Variants in WDFY2 observed in about 807,000 individuals in gnomAD.
WDFY2 encodes the protein WD repeat and FYVE domain-containing protein 2.
WDFY2 carries 36 observed loss-of-function variants against 56.4 expected under a neutral mutation model. The ratio of observed to expected loss-of-function variants is 0.64; its 90% CI spans 0.49 to 0.84. The LOEUF is 0.84. Among genes scored for constraint, WDFY2 ranks in the 40% least tolerant of loss-of-function variants. The pLI, the probability that WDFY2 is intolerant of heterozygous loss-of-function variation, is 0.00. For synonymous variants in WDFY2, 176 were observed against 183.7 expected, an observed-to-expected ratio of 0.96 and a Z score of 0.34; for missense variants, 444 against 512.2, an observed-to-expected ratio of 0.87 and a Z score of 1.29.
At chr13:51,607,381 G>GT in intron 1 of WDFY2, among the ~76,000 whole-genome samples, 1 of 152,288 alleles carries the variant, frequency 6.6e-6, no homozygotes, top group East Asian at 1.9e-4. Flanking sequence ...TCTTCAGATC[G>GT]TGTTTGCTAA....
chr13:51,653,910 A>G (rs542386713), intron 1 of WDFY2, among the ~76,000 whole-genome samples: 1 of 152,324 alleles, frequency 6.6e-6, no homozygotes, highest in Admixed American at 6.5e-5. Flanking sequence ...GTGTGCTGGG[A>G]GAACCACTAC....
chr13:51,605,271 A>G (rs549835461), intron 1 of WDFY2, among the ~76,000 whole-genome samples: 8 of 152,226 alleles, frequency 5.3e-5, no homozygotes, highest in Non-Finnish European at 8.8e-5. Context: ...ACCTGGGTTC[A>G]GTGTCACCAC....
At chr13:51,645,289 T>G (rs1255580993) in intron 1 of WDFY2, among the ~76,000 whole-genome samples, 3 of 152,118 alleles carry the variant, frequency 2.0e-5, no homozygotes, top group Admixed American at 2.0e-4. Flanking sequence ...TCCCTGGAAA[T>G]TCAGGGCCTT....
chr13:51,673,790 G>A (rs1358758256), intron 2 of WDFY2, among the ~76,000 whole-genome samples: 1 of 152,122 alleles, frequency 6.6e-6, no homozygotes, highest in Admixed American at 6.5e-5. Context: ...CTGTTTTCAG[G>A]AGTGTACTCT....
At chr13:51,749,153 CTT>C (rs942310580) in intron 7 of WDFY2, among the ~76,000 whole-genome samples, 8 of 152,036 alleles carry the variant, frequency 5.3e-5, no homozygotes, top group Admixed American at 2.0e-4. Flanking sequence ...GAATATGTGA[CTT>C]ATGTTAAAAT....
rs145094854 is a variant in WDFY2, at chr13:51,610,270, C to A, written c.137+25446C>A. ...TTTTTTTTTTGGGGGGCTAAAAGCC[C>A]ACCATCTATCCCTTTTCGTTGATGA... is the stretch of plus-strand genomic sequence containing the variant. On this transcript the variant is annotated intron_variant, in intron 1 of 11. Transcript: ENST00000298125. Among the ~76,000 whole-genome samples, 924 of 151,244 alleles carry A rather than the reference C, an allele frequency of 6.1e-3. 13 individuals carry two copies. Among genetic ancestry groups the A allele is most frequent in the African/African-American group, 0.018 (758 of 41,206 alleles).
At chr13:51,673,588 G>A (rs114939519) in intron 2 of WDFY2, among the ~76,000 whole-genome samples, 14 of 152,064 alleles carry the variant, frequency 9.2e-5, no homozygotes, top group Admixed American at 9.2e-4. Flanking sequence ...TAATCACAGT[G>A]TATTTTTTCT....
intron 7 of WDFY2, among the ~76,000 whole-genome samples, chr13:51,746,173 G>A (rs527947055): frequency 4.6e-5 from 7 of 151,644 alleles, no homozygotes; most frequent in African/African-American, 1.4e-4. Flanking sequence ...GTAGAGACAG[G>A]GTTTCTCCAC....
At position 51,675,166 on chromosome 13, in the gene WDFY2, T is replaced by C; in HGVS notation, c.206-4T>C. On this transcript the variant is annotated splice_region_variant and splice_polypyrimidine_tract_variant and intron_variant, in intron 2 of 11. Coordinates refer to ENST00000298125, the MANE Select transcript of WDFY2 (RefSeq NM_052950.4). Reference sequence around the variant, plus strand: ...AATTTCATCAACATGTTCATTTCTTTCAGCTCCATGTTCATGCATGTCTTT... The same window carrying C: ...AATTTCATCAACATGTTCATTTCTTCCAGCTCCATGTTCATGCATGTCTTT... 1 of 1,613,836 alleles carries C rather than the reference T, an allele frequency of 6.2e-7. No homozygotes were observed. Among genetic ancestry groups the C allele is most frequent in the East Asian group, 2.2e-5 (1 of 44,870 alleles).
chr13:51,639,411 C>T (rs1446882189), intron 1 of WDFY2, among the ~76,000 whole-genome samples: 1 of 152,068 alleles, frequency 6.6e-6, no homozygotes, highest in Non-Finnish European at 1.5e-5. Flanking sequence ...TTTTTTCAGC[C>T]ATTTATTCAA....
intron 3 of WDFY2, among the ~76,000 whole-genome samples, chr13:51,690,486 A>C (rs1032891527): frequency 2.0e-5 from 3 of 151,672 alleles, no homozygotes; most frequent in African/African-American, 7.3e-5. Context: ...GAGAATAATG[A>C]TTTCCAATTT....
rs7331647 is a variant in WDFY2, at chr13:51,690,291, T to A, written c.280-13305T>A. 3.8e-4 allele frequency among the ~76,000 whole-genome samples: 57 copies of A among 148,706 alleles called. No individual in the cohort carries two copies. In the East Asian group the frequency reaches 9.9e-3, roughly 26 times the overall value. On this transcript the variant is annotated intron_variant, in intron 3 of 11. Coordinates refer to ENST00000298125, the MANE Select transcript of WDFY2 (RefSeq NM_052950.4). The stretch of plus-strand genomic sequence containing the variant: ...ACATGTGCCATGCTGGTGCGCTGCA[T>A]CCACTAACTCGTCATCTAGCATTGG...
intron 1 of WDFY2, among the ~76,000 whole-genome samples, chr13:51,638,701 A>T (rs1208797005): frequency 6.6e-6 from 1 of 152,238 alleles, no homozygotes; most frequent in Non-Finnish European, 1.5e-5. Flanking sequence ...CCTTGAAAGT[A>T]TGCTGGCTAG....
chr13:51,584,756 C>T lies in WDFY2; in HGVS notation c.69C>T (p.Ser23=). The change falls in exon 1 of 12, where the codon TCC becomes TCT. Residue 23 remains serine, a synonymous_variant. Transcript: ENST00000298125. ...TCCTGCTGCAGCGGATGGAGGGGTC[C>T]CAGGAGGTGGTGAATATGGCCGTGA... ...KPILLQRMEG[S]QEVVNMAVIV... The T allele has an allele frequency of 6.2e-7, 1 of 1,613,886 alleles. No individual in the cohort carries two copies. The highest frequency in any genetic ancestry group is 1.1e-5 in the South Asian group (1 of 91,082).
rs148652709 is a variant in WDFY2 at position 51,717,216 on chromosome 13, T to C, written c.335-1982T>C. On this transcript the variant is annotated intron_variant, in intron 4 of 11. Transcript: ENST00000298125. ...ATTTCTGAAGCTTAGTGATAAGTTA[T>C]GTATCTTTGAAATTTTTTTTCAATA... Among the ~76,000 whole-genome samples, 983 of 152,318 alleles carry C rather than the reference T, an allele frequency of 6.5e-3. 2 individuals carry two copies. The highest frequency in any genetic ancestry group is 9.4e-3 in the Non-Finnish European group (642 of 68,030).
At chr13:51,751,205 G>A (rs1320538264) in intron 7 of WDFY2, 105 bp from the exon 8 acceptor site, 1 of 964,822 alleles carries the variant, frequency 1.0e-6, no homozygotes. Flanking sequence ...TCTACACTGG[G>A]GGCTCGGAGT....
At chr13:51,687,761 T>G (rs555985630) in intron 3 of WDFY2, among the ~76,000 whole-genome samples, 5 of 152,076 alleles carry the variant, frequency 3.3e-5, no homozygotes, top group Non-Finnish European at 7.4e-5. Flanking sequence ...TAAAGAAGGA[T>G]AAAATGATCT....
chr13:51,585,265 C>T (rs1437284785), intron 1 of WDFY2, among the ~76,000 whole-genome samples: 2 of 152,246 alleles, frequency 1.3e-5, no homozygotes, highest in Non-Finnish European at 2.9e-5. Context: ...ACGGAGAAAG[C>T]AAATGCCACT....
chr13:51,733,094 G>A (rs1952759109), intron 6 of WDFY2, among the ~76,000 whole-genome samples: 1 of 152,176 alleles, frequency 6.6e-6, no homozygotes, highest in Non-Finnish European at 1.5e-5. Context: ...GGAGTGTAGT[G>A]GCACGATCTC....
Sources: gnomAD v4.1 joint callset for allele counts (sites outside exome capture counted in the v4.1 genomes callset) on GRCh38, gnomAD v4.1.1 for gene constraint, MANE v1.5 for transcripts, NCBI Gene and HGNC (gene_info 2026-07-23, HGNC 2026-07-21) for gene names.